Variants in WAPL observed in about 807,000 individuals in gnomAD.
The protein encoded by WAPL is WAPL cohesin release factor, also known as wings apart-like protein homolog.
A neutral mutation model predicts 121.0 loss-of-function variants in WAPL; 5 were observed. That is an observed-to-expected ratio of 0.04 (90% CI 0.02 to 0.09). The LOEUF (loss-of-function observed/expected upper bound fraction) is 0.09. Among genes scored for constraint, WAPL ranks in the 10% least tolerant of loss-of-function variants. WAPL has a pLI of 1.00. For missense variants in WAPL, 999 were observed against 1,410.8 expected, an observed-to-expected ratio of 0.71 and a Z score of 4.68; for synonymous variants, 480 against 481.5, an observed-to-expected ratio of 1.00 and a Z score of 0.04.
At chr10:86,450,100 T>C (rs1840941676) in intron 15 of WAPL, among the ~76,000 whole-genome samples, 2 of 152,214 alleles carry the variant, frequency 1.3e-5, no homozygotes, top group Non-Finnish European at 2.9e-5. Flanking sequence ...TTATATAAGA[T>C]GTCACCATTT....
chr10:86,437,261 G>A lies in WAPL; in HGVS notation c.*282C>T. 1 of 314,882 alleles carries A rather than the reference G, an allele frequency of 3.2e-6. No individual in the cohort carries two copies. The highest frequency in any genetic ancestry group is 5.8e-6 in the Non-Finnish European group (1 of 172,258). 19.5% of individuals were successfully genotyped at this position (314,882 alleles called of 1,614,324 possible). ...GAATAAAGCAAGAAAACAAGGGGAG[G>A]GTATAAACTCTGCCAAAGTAAATGT... On this transcript the variant is annotated 3_prime_UTR_variant, in exon 19 of 19. Coordinates refer to ENST00000298767, the MANE Select transcript of WAPL (RefSeq NM_015045.5).
At chr10:86,517,324 T>C (rs1842574535) in intron 2 of WAPL, among the ~76,000 whole-genome samples, 1 of 152,212 alleles carries the variant, frequency 6.6e-6, no homozygotes, top group African/African-American at 2.4e-5. Flanking sequence ...ATTGGGGTTA[T>C]AAACTTATGA....
Position 86,451,514 on chromosome 10 carries a change from T to C in WAPL, c.3114+453A>G, listed in dbSNP as rs528206442. ...CAAGTGATTCTCCTGCCTCTCAGCC[T>C]CCTGAGTAGCTGGGATTACAGGTGC... On this transcript the variant is annotated intron_variant, in intron 15 of 18. Coordinates refer to ENST00000298767, the MANE Select transcript of WAPL (RefSeq NM_015045.5). 2.5e-4 allele frequency among the ~76,000 whole-genome samples: 38 copies of C among 152,078 alleles called. 1 individual carries two copies. In the South Asian group the frequency reaches 7.7e-3, roughly 31 times the overall value.
At chr10:86,497,103 T>A in intron 4 of WAPL, 98 bp downstream of exon 4, 1 of 981,442 alleles carries the variant, frequency 1.0e-6, no homozygotes, top group Non-Finnish European at 1.5e-6. Context: ...GAAAGACAGT[T>A]GCTATGATGT....
At chr10:86,442,903 G>A (rs898102941) in intron 17 of WAPL, among the ~76,000 whole-genome samples, 1 of 151,932 alleles carries the variant, frequency 6.6e-6, no homozygotes, top group African/African-American at 2.4e-5. Flanking sequence ...GTTAGCCGGG[G>A]GCGGTGGCAG....
At chr10:86,456,623 C>T (rs1841153234) in intron 12 of WAPL, among the ~76,000 whole-genome samples, 1 of 152,160 alleles carries the variant, frequency 6.6e-6, no homozygotes, top group South Asian at 2.1e-4. Context: ...CGCCTAGTTG[C>T]CCTTTAAAAC....
At chr10:86,488,833 A>G (rs576055334) in intron 4 of WAPL, among the ~76,000 whole-genome samples, 26 of 152,372 alleles carry the variant, frequency 1.7e-4, no homozygotes, top group Admixed American at 1.3e-3. Context: ...AACAAATGCT[A>G]TAATTAGGAA....
rs201290045 is a variant in WAPL, at chr10:86,497,315, G to A, written c.1530C>T (p.Asn510=). The A allele has an allele frequency of 6.2e-7, 1 of 1,605,094 alleles. No individual in the cohort carries two copies. Among genetic ancestry groups the A allele is most frequent in the East Asian group, 2.2e-5 (1 of 44,796 alleles). The part of the protein sequence containing the change: ...DSQSGTNNAE[N]LDFTEDLPGV... ...CAGGCAAGTCCTCTGTAAAATCCAA[G>A]TTTTCTGAAATGGTAATCAAAACTA... Residue 510 remains asparagine, a synonymous_variant, in exon 4 of 19, where the codon AAC becomes AAT. Transcript: ENST00000298767.
chr10:86,473,878 T>G lies in WAPL; in HGVS notation c.1740A>C (p.Thr580=). The change falls in exon 5 of 19, where the codon ACA becomes ACC. Residue 580 remains threonine (T), a splice_region_variant and synonymous_variant. Transcript: ENST00000298767. Reference sequence around the variant, plus strand: ...AAATAAATAAGTACAGTTCACTTACTGTGACACTCTGAGGTTTTACTACTG... The same window carrying G: ...AAATAAATAAGTACAGTTCACTTACGGTGACACTCTGAGGTTTTACTACTG... ...GPPVVKPQSV[T]VRLSSKEPNQ... 6.2e-7 allele frequency: 1 copy of G among 1,609,542 alleles called. No homozygotes were observed. The highest frequency in any genetic ancestry group is 8.5e-7 in the Non-Finnish European group (1 of 1,175,902).
At chr10:86,466,991 G>A (rs1433546505) in intron 9 of WAPL, 8 of 321,518 alleles carry the variant, frequency 2.5e-5, no homozygotes, top group Non-Finnish European at 4.7e-5. Flanking sequence ...ATGAACCACT[G>A]TGCCCGGCCC....
chr10:86,485,593 T>C (rs1365893549), intron 4 of WAPL, among the ~76,000 whole-genome samples: 1 of 151,918 alleles, frequency 6.6e-6, no homozygotes, highest in Non-Finnish European at 1.5e-5. Context: ...CCTTCCAGAA[T>C]AAAGTATTAA....
chr10:86,508,939 TAG>T (rs2132228916), intron 2 of WAPL, among the ~76,000 whole-genome samples: 1 of 151,796 alleles, frequency 6.6e-6, no homozygotes, highest in African/African-American at 2.4e-5. Context: ...GTATTTTTAG[TAG>T]AGACAGGGTT....
chr10:86,444,905 A>AAAAG (rs1208505914), intron 16 of WAPL, among the ~76,000 whole-genome samples: 1 of 151,288 alleles, frequency 6.6e-6, no homozygotes, highest in Non-Finnish European at 1.5e-5. Context: ...AAAAAAAAAA[A>AAAAG]AAAAAAAGAA....
intron 11 of WAPL, among the ~76,000 whole-genome samples, chr10:86,459,890 G>A (rs1465108955): frequency 1.3e-5 from 2 of 152,202 alleles, no homozygotes; most frequent in Admixed American, 6.5e-5. Context: ...GAAGCCGGCA[G>A]GCCACTTGAA....
At position 86,472,323 on chromosome 10, in the gene WAPL, C is replaced by T; in HGVS notation, c.1915G>A (p.Val639Met). Residue 639 changes from valine (V) to methionine (M), a missense_variant, in exon 7 of 19, where the codon GTG (valine) becomes ATG (methionine). Physicochemically the swap from Val to Met is conservative, Grantham distance 21. Coordinates refer to ENST00000298767, the MANE Select transcript of WAPL (RefSeq NM_015045.5). The surrounding 1 kb of genome is among the most constrained non-coding windows in gnomAD (Gnocchi z 4.2). ...TCTACAACATCGTTGAAGTGCTTCA[C>T]GTGCTGAACAACAGTATATAACTGC... ...DKELYTVVQHVKHFNDVVEFG... is the reference protein window; with the variant it reads ...DKELYTVVQHMKHFNDVVEFG... 1 of 1,600,986 alleles carries T rather than the reference C, an allele frequency of 6.2e-7. No individual in the cohort carries two copies. Among genetic ancestry groups the T allele is most frequent in the Non-Finnish European group, 8.5e-7 (1 of 1,177,294 alleles).
Position 86,473,916 on chromosome 10 carries a change from GTTC to G in WAPL, c.1699_1701del (p.Glu567del). Reference sequence around the variant, plus strand: ...GGTTTTACTACTGGTGGCCCAGGCAGTTCTTCTGAATCTGGATGATTCCAATGT... The same window carrying G: ...GGTTTTACTACTGGTGGCCCAGGCAGTTCTGAATCTGGATGATTCCAATGT... On this transcript the variant is annotated inframe_deletion, in exon 5 of 19. Coordinates refer to ENST00000298767, the MANE Select transcript of WAPL (RefSeq NM_015045.5). 1 of 1,614,014 alleles carries G rather than the reference GTTC, an allele frequency of 6.2e-7. No homozygotes were observed.
rs1468968802 is a variant in WAPL at position 86,497,356 on chromosome 10, T to A, written c.1526-37A>T. The A allele has an allele frequency of 1.2e-5, 18 of 1,452,960 alleles. No individual in the cohort carries two copies. In the East Asian group the frequency reaches 3.9e-4, roughly 31 times the overall value. The allele number at this position is 1,452,960 out of a possible 1,614,324, so 90.0% of individuals were successfully genotyped here. A position where few individuals can be genotyped will look rare whatever the true frequency, so the allele number is the denominator to read the frequency against. On this transcript the variant is annotated intron_variant, in intron 3 of 18. Transcript: ENST00000298767. ...ATCAAAACTATCTAGCTTACTAATA[T>A]TTCAAATTACCTACCAGACAACCTA...
chr10:86,479,066 T>C (rs1166079723), intron 4 of WAPL, among the ~76,000 whole-genome samples: 2 of 151,774 alleles, frequency 1.3e-5, no homozygotes, highest in African/African-American at 4.8e-5. Flanking sequence ...ACCACTGCAC[T>C]ACAGCCTGGG....
intron 16 of WAPL, among the ~76,000 whole-genome samples, chr10:86,444,395 T>C (rs1849549639): frequency 1.3e-5 from 2 of 152,168 alleles, no homozygotes; most frequent in Non-Finnish European, 2.9e-5. Flanking sequence ...AACTTGTAGA[T>C]AACTGTTCAA....
Sources: allele counts gnomAD v4.1 joint callset (sites outside exome capture counted in the v4.1 genomes callset), GRCh38; gene constraint gnomAD v4.1.1; non-coding constraint Gnocchi (gnomAD v3.1); transcripts MANE v1.5; gene names NCBI Gene and HGNC (gene_info 2026-07-23, HGNC 2026-07-21).